Variants in GDAP2 observed in about 807,000 individuals in gnomAD.
GDAP2 encodes the protein ganglioside induced differentiation associated protein 2.
A neutral mutation model predicts 67.0 loss-of-function variants in GDAP2; 51 were observed. The ratio of observed to expected loss-of-function variants is 0.76; its 90% CI spans 0.61 to 0.96. GDAP2 has a LOEUF of 0.96. GDAP2 is among the 40% of genes least tolerant of loss of function. The pLI is 0.00. For synonymous variants in GDAP2, 203 were observed against 207.3 expected (o/e 0.98, Z 0.18); for missense variants, 547 against 588.3 (o/e 0.93, Z 0.73).
intron 6 of GDAP2, among the ~76,000 whole-genome samples, chr1:117,904,732 G>T (rs1418209873): frequency 6.6e-6 from 1 of 152,058 alleles, no homozygotes; most frequent in East Asian, 1.9e-4. Context: ...GCATTAGTCC[G>T]CCAACTCCCT....
intron 5 of GDAP2, among the ~76,000 whole-genome samples, chr1:117,909,530 T>C (rs1649777717): frequency 6.6e-6 from 1 of 152,198 alleles, no homozygotes; most frequent in African/African-American, 2.4e-5. Context: ...TCTTGGCCCA[T>C]ATATGTTACA....
intron 1 of GDAP2, among the ~76,000 whole-genome samples, chr1:117,927,336 A>G (rs944296357): frequency 6.6e-6 from 1 of 152,168 alleles, no homozygotes; most frequent in African/African-American, 2.4e-5. Flanking sequence ...AACTGGGCAA[A>G]ATTGGGCATA....
intron 5 of GDAP2, among the ~76,000 whole-genome samples, chr1:117,907,389 C>T (rs898393402): frequency 1.3e-5 from 2 of 152,136 alleles, no homozygotes; most frequent in African/African-American, 2.4e-5. Flanking sequence ...GAGGAAAAGA[C>T]CCAAATTACC....
intron 11 of GDAP2, among the ~76,000 whole-genome samples, chr1:117,882,748 T>C (rs1648699171): frequency 6.6e-6 from 1 of 152,062 alleles, no homozygotes; most frequent in African/African-American, 2.4e-5. Context: ...TAAGATGAGA[T>C]TTAATGGGAG....
At chr1:117,920,978 G>GGATATGGTGTGTGAGACAGT (rs1553201573) in intron 1 of GDAP2, among the ~76,000 whole-genome samples, 3 of 152,152 alleles carry the variant, frequency 2.0e-5, no homozygotes, top group Non-Finnish European at 2.9e-5. Context: ...ACAATTTACA[G>GGATATGGTGTGTGAGACAGT]GATATGGTGT....
intron 3 of GDAP2, among the ~76,000 whole-genome samples, chr1:117,917,818 C>T (rs1214558719): frequency 6.6e-6 from 1 of 152,134 alleles, no homozygotes; most frequent in South Asian, 2.1e-4. Context: ...CTTCTCTGTT[C>T]CTTTCAGCAA....
At chr1:117,872,610 T>C (rs990762991) in intron 13 of GDAP2, among the ~76,000 whole-genome samples, 2 of 151,040 alleles carry the variant, frequency 1.3e-5, no homozygotes, top group African/African-American at 4.9e-5. Flanking sequence ...AAACACCGCA[T>C]GTTCTCACTT....
intron 6 of GDAP2, 72 bp from the exon 7 acceptor site, chr1:117,899,288 T>C (rs1275993066): frequency 2.0e-6 from 2 of 1,020,386 alleles, no homozygotes; most frequent in Admixed American, 1.7e-5. Flanking sequence ...TACTTAGTGC[T>C]GTTCATACAC....
chr1:117,863,870 C>T lies in GDAP2; in HGVS notation c.*6699G>A, dbSNP rs1292805934. On this transcript the variant is annotated 3_prime_UTR_variant, in exon 14 of 14. Coordinates refer to ENST00000369443, the MANE Select transcript of GDAP2 (RefSeq NM_017686.4). ...TTTCTAATCAAAGCAGTGGTGGCTG[C>T]TATTTATAAACACTACTATGCATGC... The T allele has an allele frequency of 3.9e-5, 6 of 152,180 alleles. 1 individual carries two copies. The highest frequency in any genetic ancestry group is 3.9e-4 in the Admixed American group (6 of 15,274). The allele number at this position is 152,180 out of a possible 1,614,324, so 9.4% of individuals were successfully genotyped here. A position where few individuals can be genotyped will look rare whatever the true frequency, so the allele number is the denominator to read the frequency against.
At position 117,868,500 on chromosome 1, in the gene GDAP2, G is replaced by T. The variant is rs1411647486; in HGVS notation, c.*2069C>A. On this transcript the variant is annotated 3_prime_UTR_variant, in exon 14 of 14. Transcript: ENST00000369443. Reference sequence around the variant, plus strand: ...GAACATCCTTTCAAAATCATTGCCTGTAAGAAATTGTATATATAAATTTGC... The same window carrying T: ...GAACATCCTTTCAAAATCATTGCCTTTAAGAAATTGTATATATAAATTTGC... 2 of 152,262 alleles carry T rather than the reference G, an allele frequency of 1.3e-5. No homozygotes were observed. The highest frequency in any genetic ancestry group is 3.4e-3 in the Middle Eastern group (1 of 292). 9.4% of individuals were successfully genotyped at this position (152,262 alleles called of 1,614,324 possible). A position where few individuals can be genotyped will look rare whatever the true frequency, so the allele number is the denominator to read the frequency against.
Position 117,908,840 on chromosome 1 carries a change from T to A in GDAP2, c.560-2258A>T, listed in dbSNP as rs924930763. On this transcript the variant is annotated intron_variant, in intron 5 of 13. Transcript: ENST00000369443. ...ACTCTATCTCAAAAAAATAAATAAA[T>A]AAATAAATAAATAAATAAAGATTTT... Among the ~76,000 whole-genome samples the A allele has an allele frequency of 6.3e-3, 951 of 151,694 alleles. 5 individuals carry two copies. The highest frequency in any genetic ancestry group is 0.022 in the African/African-American group (888 of 41,288).
intron 3 of GDAP2, among the ~76,000 whole-genome samples, chr1:117,917,181 T>A (rs1195108767): frequency 6.6e-6 from 1 of 152,238 alleles, no homozygotes; most frequent in South Asian, 2.1e-4. Context: ...ATTTTTTCAT[T>A]TTTTGGCTTA....
intron 13 of GDAP2, among the ~76,000 whole-genome samples, chr1:117,873,414 CT>C (rs555654267): frequency 1.7e-4 from 25 of 145,110 alleles, no homozygotes; most frequent in Admixed American, 2.8e-4. Context: ...ACTTGGGTTT[CT>C]TTTTTTTTTT....
Position 117,920,405 on chromosome 1 carries a change from ATAT to A in GDAP2, c.-51_-49del. On this transcript the variant is annotated 5_prime_UTR_variant, in exon 2 of 14. Transcript: ENST00000369443. The stretch of plus-strand genomic sequence containing the variant: ...TTTTCCCAAAATCCTCAGCAATTCA[ATAT>A]TCACTGGAGACTTTAGCTTTAAGAG... The A allele has an allele frequency of 8.5e-7, 1 of 1,182,514 alleles. No individual in the cohort carries two copies. Among genetic ancestry groups the A allele is most frequent in the Non-Finnish European group, 1.2e-6 (1 of 811,982 alleles). 73.3% of individuals were successfully genotyped at this position (1,182,514 alleles called of 1,614,324 possible).
intron 8 of GDAP2, among the ~76,000 whole-genome samples, chr1:117,888,349 G>T (rs1005679522): frequency 6.6e-5 from 10 of 152,128 alleles, no homozygotes; most frequent in African/African-American, 2.2e-4. Context: ...TCATCAGTTA[G>T]TCAAACTAGT....
intron 5 of GDAP2, among the ~76,000 whole-genome samples, chr1:117,910,383 T>C (rs1262537275): frequency 1.3e-5 from 2 of 152,102 alleles, no homozygotes; most frequent in Non-Finnish European, 2.9e-5. Context: ...GCATTCAAGA[T>C]AAAAAGATAA....
At chr1:117,915,089 T>G (rs1237067243) in intron 3 of GDAP2, among the ~76,000 whole-genome samples, 2 of 152,308 alleles carry the variant, frequency 1.3e-5, no homozygotes, top group African/African-American at 4.8e-5. Context: ...AGGGTCAAAC[T>G]GTTATCTTCA....
At chr1:117,917,566 C>G (rs1650094088) in intron 3 of GDAP2, among the ~76,000 whole-genome samples, 1 of 152,162 alleles carries the variant, frequency 6.6e-6, no homozygotes, top group Non-Finnish European at 1.5e-5. Context: ...ATTACCATCC[C>G]CATTTTAGAG....
chr1:117,907,944 C>T lies in GDAP2; in HGVS notation c.560-1362G>A, dbSNP rs115410334. Reference sequence around the variant, plus strand: ...AACGCCAACTGTCCACTTTCCCCCACTCAGCTCTTTAGTCCTGTTTTCAAT... The same window carrying T: ...AACGCCAACTGTCCACTTTCCCCCATTCAGCTCTTTAGTCCTGTTTTCAAT... On this transcript the variant is annotated intron_variant, in intron 5 of 13. Coordinates refer to ENST00000369443, the MANE Select transcript of GDAP2 (RefSeq NM_017686.4). Among the ~76,000 whole-genome samples, 1,037 of 152,278 alleles carry T rather than the reference C, an allele frequency of 6.8e-3. 9 individuals are homozygous for T. Among genetic ancestry groups the T allele is most frequent in the African/African-American group, 0.023 (973 of 41,570 alleles).
Sources: allele counts gnomAD v4.1 joint callset (sites outside exome capture counted in the v4.1 genomes callset), GRCh38; gene constraint gnomAD v4.1.1; transcripts MANE v1.5; gene names NCBI Gene and HGNC (gene_info 2026-07-23, HGNC 2026-07-21).